The following FRMD4B variants were observed in gnomAD, a reference collection of about 807,000 sequenced individuals.
FRMD4B encodes FERM domain-containing protein 4B.
FRMD4B carries 74 observed loss-of-function variants against 141.5 expected under a neutral mutation model. The observed-to-expected ratio is 0.52, with a 90% CI of 0.43 to 0.63. The LOEUF (loss-of-function observed/expected upper bound fraction) is 0.63. Ranked by LOEUF, FRMD4B falls within the 30% of genes least tolerant of loss-of-function variation. The probability of loss-of-function intolerance (pLI) is 0.00; values close to 1 mark genes in which losing one functional copy is unlikely to be tolerated. For synonymous variants in FRMD4B, 506 were observed against 467.9 expected (o/e 1.08, Z -1.05); for missense variants, 1,366 against 1,253.4 (o/e 1.09, Z -1.36).
chr3:69,491,800 G>A (rs1333348309), intron 1 of FRMD4B, among the ~76,000 whole-genome samples: 2 of 152,196 alleles, frequency 1.3e-5, no homozygotes, highest in Non-Finnish European at 1.5e-5. Context: ...TGAAGACCAA[G>A]TTCAGACACA....
chr3:69,206,184 T>A (rs2093022875), intron 11 of FRMD4B, among the ~76,000 whole-genome samples: 1 of 152,118 alleles, frequency 6.6e-6, no homozygotes, highest in Admixed American at 6.6e-5. Context: ...ACCCCATCTC[T>A]GCTAAAAATA....
intron 19 of FRMD4B, 44 bp downstream of exon 19, chr3:69,187,726 C>G: frequency 1.3e-6 from 2 of 1,548,254 alleles, no homozygotes; most frequent in Non-Finnish European, 1.7e-6. Context: ...GGAAAAATTT[C>G]CTAGCTGTGG....
At chr3:69,532,839 C>A (rs1007418306) in intron 1 of FRMD4B, among the ~76,000 whole-genome samples, 1 of 152,338 alleles carries the variant, frequency 6.6e-6, no homozygotes, top group East Asian at 1.9e-4. Context: ...TGTTGGGTCC[C>A]CCACTGACAC....
chr3:69,540,958 C>T (rs925299949), intron 1 of FRMD4B, among the ~76,000 whole-genome samples: 7 of 152,082 alleles, frequency 4.6e-5, no homozygotes, highest in Non-Finnish European at 7.3e-5. Context: ...CCACTCTTCA[C>T]AGCATGTGTA....
intron 12 of FRMD4B, 133 bp downstream of exon 12, chr3:69,198,565 G>A (rs2092931981): frequency 4.8e-6 from 3 of 625,894 alleles, no homozygotes; most frequent in Non-Finnish European, 8.7e-6. Context: ...ATTTGACCCA[G>A]CAATTCCATT....
chr3:69,480,584 A>T (rs1210033092), intron 1 of FRMD4B, among the ~76,000 whole-genome samples: 4 of 152,044 alleles, frequency 2.6e-5, no homozygotes, highest in African/African-American at 7.2e-5. Context: ...TCTCAGAGGA[A>T]TACCCGGCCG....
chr3:69,308,061 AT>A (rs1405388038), intron 3 of FRMD4B, among the ~76,000 whole-genome samples: 1 of 151,964 alleles, frequency 6.6e-6, no homozygotes, highest in African/African-American at 2.4e-5. Flanking sequence ...GCAAGATCCA[AT>A]TTTAGTTACT....
upstream of FRMD4B, among the ~76,000 whole-genome samples, chr3:69,390,547 T>C (rs947922435): frequency 6.6e-6 from 1 of 152,142 alleles, no homozygotes; most frequent in Non-Finnish European, 1.5e-5. Context: ...CAAAGGACTC[T>C]CCTGCCCAAA....
intron 10 of FRMD4B, among the ~76,000 whole-genome samples, chr3:69,218,035 A>C (rs750208816): frequency 2.0e-4 from 31 of 152,174 alleles, no homozygotes; most frequent in Non-Finnish European, 3.1e-4. Flanking sequence ...ATTTTCAAAC[A>C]AAAGCACTCT....
At chr3:69,333,207 T>A (rs1056993665) in intron 1 of FRMD4B, among the ~76,000 whole-genome samples, 1 of 152,268 alleles carries the variant, frequency 6.6e-6, no homozygotes, top group African/African-American at 2.4e-5. Context: ...TTAAAAAAAA[T>A]TGGAGAATTC....
At chr3:69,500,831 A>G (rs774657599) in intron 1 of FRMD4B, among the ~76,000 whole-genome samples, 1 of 152,146 alleles carries the variant, frequency 6.6e-6, no homozygotes, top group Non-Finnish European at 1.5e-5. Context: ...GGAAGTAGAA[A>G]AGGGAAGAGG....
At chr3:69,376,963 G>A (rs774125053) in intron 1 of FRMD4B, 10 of 152,038 alleles carry the variant, frequency 6.6e-5, no homozygotes, top group Non-Finnish European at 1.3e-4. Flanking sequence ...GATGGAATGT[G>A]AAAAACAAAC....
At chr3:69,310,243 C>T (rs1701532008) in intron 3 of FRMD4B, among the ~76,000 whole-genome samples, 1 of 152,078 alleles carries the variant, frequency 6.6e-6, no homozygotes, top group Admixed American at 6.6e-5. Context: ...GGCTCACAGC[C>T]CACCCAGGCT....
intron 2 of FRMD4B, among the ~76,000 whole-genome samples, chr3:69,399,035 G>A (rs985265434): frequency 1.3e-5 from 2 of 151,908 alleles, no homozygotes; most frequent in South Asian, 4.2e-4. Context: ...GGTAAAATTG[G>A]ATTTAAAGAA....
intron 1 of FRMD4B, among the ~76,000 whole-genome samples, chr3:69,480,403 G>C (rs1293074048): frequency 6.6e-6 from 1 of 152,154 alleles, no homozygotes; most frequent in Non-Finnish European, 1.5e-5. Context: ...TGTCCTTTCT[G>C]TTTGTTAGTT....
chr3:69,310,704 T>A (rs1701558336), intron 3 of FRMD4B, among the ~76,000 whole-genome samples: 1 of 151,752 alleles, frequency 6.6e-6, no homozygotes, highest in African/African-American at 2.4e-5. Context: ...GGAGCATATA[T>A]ATTGTTGACA....
chr3:69,315,394 A>G (rs1468713178), intron 1 of FRMD4B, among the ~76,000 whole-genome samples: 1 of 152,102 alleles, frequency 6.6e-6, no homozygotes, highest in Non-Finnish European at 1.5e-5. Flanking sequence ...ATATTATTTT[A>G]CTTTAGTACA....
At chr3:69,311,862 T>C (rs1190838497) in intron 2 of FRMD4B, among the ~76,000 whole-genome samples, 1 of 152,102 alleles carries the variant, frequency 6.6e-6, no homozygotes, top group Non-Finnish European at 1.5e-5. Context: ...ATGCTGAACT[T>C]ATATCCCATT....
chr3:69,205,850 C>G lies in FRMD4B; in HGVS notation c.877-7076G>C, dbSNP rs534015787. Among the ~76,000 whole-genome samples the G allele has an allele frequency of 1.5e-4, 23 of 152,306 alleles. No homozygotes were observed. In the South Asian group the frequency reaches 4.6e-3, roughly 30 times the overall value. On this transcript the variant is annotated intron_variant, in intron 11 of 22. Transcript: ENST00000398540. ...CTGATGAAGGATTTAACAATTTTTA[C>G]TCTGAAACAATTAATTCTGGAGTTC...
Sources: gnomAD v4.1 joint callset for allele counts (sites outside exome capture counted in the v4.1 genomes callset) on GRCh38, gnomAD v4.1.1 for gene constraint, MANE v1.5 for transcripts, NCBI Gene and HGNC (gene_info 2026-07-23, HGNC 2026-07-21) for gene names.